CSGALNACT1: variants seen among roughly 807,000 people sequenced by gnomAD.
CSGALNACT1 encodes the protein beta4GalNAcT-1.
CSGALNACT1 carries 52 observed loss-of-function variants against 51.0 expected under a neutral mutation model. The ratio of observed to expected loss-of-function variants is 1.02; its 90% CI spans 0.82 to 1.29. The LOEUF (loss-of-function observed/expected upper bound fraction) is 1.29. Among genes scored for constraint, CSGALNACT1 ranks in the 50% most tolerant of loss-of-function variants. The pLI is 0.00. For missense variants in CSGALNACT1, 935 were observed against 679.2 expected, an observed-to-expected ratio of 1.38 and a Z score of -4.19; for synonymous variants, 341 against 254.4, an observed-to-expected ratio of 1.34 and a Z score of -3.24.
chr8:19,730,619 T>C (rs988303313), intron 1 of CSGALNACT1, among the ~76,000 whole-genome samples: 1 of 152,320 alleles, frequency 6.6e-6, no homozygotes, highest in African/African-American at 2.4e-5. Context: ...TCTGTCGTTG[T>C]GTGCAGAGCT....
chr8:19,646,596 T>C lies in CSGALNACT1; in HGVS notation c.-544+35877A>G, dbSNP rs1039433405. On this transcript the variant is annotated intron_variant, in intron 1 of 9. Coordinates refer to the CSGALNACT1 transcript ENST00000332246. ...TTTATTTTTAGCTGACAGAATACCA[T>C]AGTGGATAAGGAAACGCCACCTTTA... Among the ~76,000 whole-genome samples the C allele has an allele frequency of 3.9e-4, 59 of 152,142 alleles. 1 individual carries two copies. The highest frequency in any genetic ancestry group is 3.7e-3 in the Admixed American group (56 of 15,268).
At chr8:19,482,563 G>T (rs755961709) in intron 4 of CSGALNACT1, among the ~76,000 whole-genome samples, 3 of 152,026 alleles carry the variant, frequency 2.0e-5, no homozygotes, top group Non-Finnish European at 4.4e-5. Flanking sequence ...ATCTAAAGCC[G>T]CTTTCTCTCC....
chr8:19,515,464 G>A (rs377218540), intron 3 of CSGALNACT1, among the ~76,000 whole-genome samples: 30 of 152,228 alleles, frequency 2.0e-4, no homozygotes, highest in African/African-American at 7.0e-4. Context: ...TAGTTGGGAG[G>A]GATCCTCCAT....
At chr8:19,693,530 C>T (rs920029175) in intron 1 of CSGALNACT1, among the ~76,000 whole-genome samples, 3 of 152,118 alleles carry the variant, frequency 2.0e-5, no homozygotes, top group Admixed American at 1.3e-4. Flanking sequence ...ATGACTAATG[C>T]AGCCTCCTCT....
intron 3 of CSGALNACT1, among the ~76,000 whole-genome samples, chr8:19,513,356 C>G (rs4921657): frequency 0.6 from 88,194 of 146,900 alleles, 26,760 homozygotes; most frequent in East Asian, 0.83. Flanking sequence ...GATTGAAAGA[C>G]CCTAACGCTC....
chr8:19,740,730 T>C (rs1303815914), intron 1 of CSGALNACT1, among the ~76,000 whole-genome samples: 5 of 151,880 alleles, frequency 3.3e-5, no homozygotes, highest in Non-Finnish European at 7.4e-5. Flanking sequence ...AGGAAGGAAA[T>C]AGTTAACAAT....
At chr8:19,735,088 T>A (rs542560959) in intron 1 of CSGALNACT1, among the ~76,000 whole-genome samples, 1 of 152,200 alleles carries the variant, frequency 6.6e-6, no homozygotes, top group African/African-American at 2.4e-5. Context: ...AGAGATCCCA[T>A]GCACAGAACT....
At position 19,656,943 on chromosome 8, in the gene CSGALNACT1, G is replaced by A. The variant is rs970892236; in HGVS notation, c.-544+25530C>T. Among the ~76,000 whole-genome samples the A allele has an allele frequency of 2.0e-5, 3 of 151,784 alleles. No homozygotes were observed. In the East Asian group the frequency reaches 5.8e-4, roughly 29 times the overall value. On this transcript the variant is annotated intron_variant, in intron 1 of 9. Transcript: ENST00000332246. ...TAGCTCAGCTTGGTGGCACATGCCTGTAGTCCCAGCTATTCAGGAGGCTGA... is the reference window on the plus strand; with the variant it reads ...TAGCTCAGCTTGGTGGCACATGCCTATAGTCCCAGCTATTCAGGAGGCTGA...
chr8:19,641,076 A>C (rs2056678961), intron 1 of CSGALNACT1, among the ~76,000 whole-genome samples: 1 of 151,112 alleles, frequency 6.6e-6, no homozygotes, highest in African/African-American at 2.4e-5. Flanking sequence ...TGGAGTTCTC[A>C]AGTCTCCCAG....
intron 1 of CSGALNACT1, among the ~76,000 whole-genome samples, chr8:19,635,101 T>C (rs745916374): frequency 2.0e-5 from 3 of 152,200 alleles, no homozygotes; most frequent in Non-Finnish European, 4.4e-5. Flanking sequence ...TTGCTTTCAA[T>C]AATAAATAAG....
intron 4 of CSGALNACT1, among the ~76,000 whole-genome samples, chr8:19,498,975 A>G (rs4922043): frequency 1 from 151,747 of 152,252 alleles, 75,623 homozygotes; most frequent in Non-Finnish European, 1. Context: ...AATTGGCTGG[A>G]CATGGTGGTA....
intron 3 of CSGALNACT1, among the ~76,000 whole-genome samples, chr8:19,572,889 T>C (rs1444026339): frequency 6.6e-6 from 1 of 152,200 alleles, no homozygotes; most frequent in Non-Finnish European, 1.5e-5. Context: ...TGAGATATAA[T>C]TGAGTACTTT....
In CSGALNACT1 at chr8:19,590,246, C is replaced by T. The variant is rs531215320; in HGVS notation, c.-297+914G>A. On this transcript the variant is annotated intron_variant, in intron 3 of 9. Coordinates refer to ENST00000454498, the Ensembl canonical transcript of CSGALNACT1. The stretch of plus-strand genomic sequence containing the variant: ...AACTAAATGGATGATTACTAAACTG[C>T]GCACTGAGGTACGCTGAGGCATCAA... 2.5e-4 allele frequency among the ~76,000 whole-genome samples: 38 copies of T among 152,306 alleles called. 2 individuals are homozygous for T. The South Asian group carries it at 7.3e-3, about 29-fold the overall frequency.
At chr8:19,599,612 GAATA>G (rs774526683) in intron 2 of CSGALNACT1, among the ~76,000 whole-genome samples, 1 of 151,884 alleles carries the variant, frequency 6.6e-6, no homozygotes, top group Non-Finnish European at 1.5e-5. Flanking sequence ...AGGAAAGAAA[GAATA>G]AATAAATAAG....
At chr8:19,667,019 GGAAGGAAGGAAGGAAGGAAGGA>G (rs2059389161) in intron 1 of CSGALNACT1, among the ~76,000 whole-genome samples, 2 of 29,302 alleles carry the variant, frequency 6.8e-5, no homozygotes, top group Non-Finnish European at 1.3e-4. Context: ...AAGAAAGAAA[GGAAGGAAGGAAGGAAGGAAGGA>G]AGAAAGAAAG....
intron 1 of CSGALNACT1, among the ~76,000 whole-genome samples, chr8:19,674,428 G>C (rs1006070039): frequency 3.3e-5 from 5 of 152,024 alleles, no homozygotes; most frequent in Admixed American, 1.3e-4. Context: ...TATGGTGGCA[G>C]GGGGGAAGAC....
chr8:19,669,094 C>A (rs1339939362), intron 1 of CSGALNACT1, among the ~76,000 whole-genome samples: 1 of 152,170 alleles, frequency 6.6e-6, no homozygotes, highest in Admixed American at 6.5e-5. Flanking sequence ...TTCTTGGAGT[C>A]TAGACATGTG....
At position 19,757,407 on chromosome 8, in the gene CSGALNACT1, G is replaced by A. The variant is rs1380057014; in HGVS notation, c.-297+443C>T. On this transcript the variant is annotated intron_variant, in intron 1 of 1. Coordinates refer to the CSGALNACT1 transcript ENST00000517494. This position sits in a 1 kb window ranked among gnomAD's most constrained non-coding sequence, Gnocchi z 4.0. ...CGCCCCGCCGCAGGGTAGGTCCGGCGGGGGCGGCCAAGGCCGGGCTGGGGT... is the reference window on the plus strand; with the variant it reads ...CGCCCCGCCGCAGGGTAGGTCCGGCAGGGGCGGCCAAGGCCGGGCTGGGGT... 4 of 152,362 alleles carry A rather than the reference G, an allele frequency of 2.6e-5. No individual in the cohort carries two copies. The highest frequency in any genetic ancestry group is 5.9e-5 in the Non-Finnish European group (4 of 67,862). The allele number at this position is 152,362 out of a possible 1,614,324, so 9.4% of individuals were successfully genotyped here.
intron 5 of CSGALNACT1, among the ~76,000 whole-genome samples, chr8:19,450,074 G>GGGAGGGGGGGGA (rs2062827070): frequency 2.4e-5 from 3 of 126,300 alleles, no homozygotes; most frequent in African/African-American, 3.0e-5. Flanking sequence ...AAGAAAGAGG[G>GGGAGGGGGGGGA]GGAGGAGGGG....
Sources: gnomAD v4.1 joint callset for allele counts (sites outside exome capture counted in the v4.1 genomes callset) on GRCh38, gnomAD v4.1.1 for gene constraint, Gnocchi (gnomAD v3.1) non-coding constraint, MANE v1.5 for transcripts, NCBI Gene and HGNC (gene_info 2026-07-23, HGNC 2026-07-21) for gene names.